Variants in SETD5 observed in about 807,000 individuals in gnomAD.
SETD5 encodes the protein SET domain containing 5, also known as histone-lysine N-methyltransferase SETD5.
A neutral mutation model predicts 153.3 loss-of-function variants in SETD5; 44 were observed. The ratio of observed to expected loss-of-function variants is 0.29; its 90% CI spans 0.23 to 0.37. The LOEUF (loss-of-function observed/expected upper bound fraction) is 0.37. SETD5 is among the 10% of genes least tolerant of loss of function. SETD5 has a pLI of 1.00. For synonymous variants in SETD5, 716 were observed against 645.2 expected (o/e 1.11, Z -1.66); for missense variants, 1,544 against 1,768.0 (o/e 0.87, Z 2.27).
At chr3:9,455,180 T>C (rs1267968125) in intron 17 of SETD5, among the ~76,000 whole-genome samples, 69 of 143,926 alleles carry the variant, frequency 4.8e-4, no homozygotes, top group Admixed American at 1.0e-3. Context: ...TTTTTTTTTT[T>C]TTTTTTTTTT....
At chr3:9,461,257 A>G (rs528581296) in intron 17 of SETD5, among the ~76,000 whole-genome samples, 2 of 152,172 alleles carry the variant, frequency 1.3e-5, no homozygotes, top group Non-Finnish European at 2.9e-5. Flanking sequence ...AAATGAAAAA[A>G]AAGTTGGTTA....
intron 17 of SETD5, among the ~76,000 whole-genome samples, chr3:9,460,449 A>G (rs62246313): frequency 6.7e-6 from 1 of 149,014 alleles, no homozygotes; most frequent in Non-Finnish European, 1.5e-5. Flanking sequence ...TTTTTTTTTA[A>G]TAGTATGAGC....
intron 1 of SETD5, among the ~76,000 whole-genome samples, chr3:9,421,265 A>C (rs2038350438): frequency 6.6e-6 from 1 of 152,082 alleles, no homozygotes; most frequent in Non-Finnish European, 1.5e-5. Flanking sequence ...GCTAGAACTC[A>C]AGTCTCCTAA....
chr3:9,441,086 C>T (rs1284936651), intron 8 of SETD5, among the ~76,000 whole-genome samples: 1 of 151,998 alleles, frequency 6.6e-6, no homozygotes, highest in Non-Finnish European at 1.5e-5. Context: ...ATGATACACA[C>T]CTGTAAGTCC....
At chr3:9,416,201 A>C (rs554459978) in intron 1 of SETD5, among the ~76,000 whole-genome samples, 2 of 152,152 alleles carry the variant, frequency 1.3e-5, no homozygotes, top group Admixed American at 1.3e-4. Context: ...TCAGCACTCT[A>C]AGACTCCAAG....
intron 12 of SETD5, 132 bp downstream of exon 12, chr3:9,445,432 T>C: frequency 9.5e-7 from 1 of 1,057,322 alleles, no homozygotes; most frequent in South Asian, 1.6e-5. Context: ...GTGGGTTTAT[T>C]GTGTTCATAC....
At chr3:9,468,407 C>A in intron 18 of SETD5, 1 of 782,372 alleles carries the variant, frequency 1.3e-6, no homozygotes, top group Non-Finnish European at 1.9e-6. Flanking sequence ...TCAACTTCCC[C>A]GCCCCCGAAA....
chr3:9,459,304 T>G (rs568822565), intron 17 of SETD5, among the ~76,000 whole-genome samples: 78 of 152,298 alleles, frequency 5.1e-4, no homozygotes, highest in Non-Finnish European at 8.7e-4. Context: ...ATGGTAGAAT[T>G]TGTAATTTTA....
chr3:9,469,155 A>G (rs985807113), intron 18 of SETD5, among the ~76,000 whole-genome samples: 1 of 152,222 alleles, frequency 6.6e-6, no homozygotes, highest in Non-Finnish European at 1.5e-5. Context: ...CAAGGAAACC[A>G]AGTGAGTCCC....
intron 18 of SETD5, chr3:9,464,892 C>A: frequency 3.3e-6 from 2 of 597,320 alleles, no homozygotes; most frequent in South Asian, 4.0e-5. Context: ...TACCACAAAT[C>A]CCATTCATGT....
chr3:9,476,246 A>T lies in SETD5; in HGVS notation c.*155A>T. Reference sequence around the variant, plus strand: ...GACAAGAAACAAGACTTGTGGTCACAATTGGCCTCTGGCCTTGGAGAAAGC... The same window carrying T: ...GACAAGAAACAAGACTTGTGGTCACTATTGGCCTCTGGCCTTGGAGAAAGC... On this transcript the variant is annotated 3_prime_UTR_variant, in exon 23 of 23. Transcript: ENST00000402198. The T allele has an allele frequency of 9.4e-7, 1 of 1,065,744 alleles. No homozygotes were observed. The highest frequency in any genetic ancestry group is 1.6e-5 in the African/African-American group (1 of 62,584). 66.0% of individuals were successfully genotyped at this position (1,065,744 alleles called of 1,614,324 possible). A position where few individuals can be genotyped will look rare whatever the true frequency, so the allele number is the denominator to read the frequency against.
At chr3:9,407,079 G>C (rs555060041) in intron 1 of SETD5, among the ~76,000 whole-genome samples, 2 of 152,340 alleles carry the variant, frequency 1.3e-5, no homozygotes, top group African/African-American at 4.8e-5. Context: ...TGTAATCCCA[G>C]CACTTTGTGA....
rs112883046 is a variant in SETD5 at position 9,468,637 on chromosome 3, C to G, written c.2725-1822C>G. 71 of 1,285,168 alleles carry G rather than the reference C, an allele frequency of 5.5e-5. No homozygotes were observed. In the African/African-American group the frequency reaches 9.8e-4, roughly 18 times the overall value. The allele number at this position is 1,285,168 out of a possible 1,614,324, so 79.6% of individuals were successfully genotyped here. A position where few individuals can be genotyped will look rare whatever the true frequency, so the allele number is the denominator to read the frequency against. On this transcript the variant is annotated intron_variant, in intron 18 of 22. Transcript: ENST00000402198. ...GAGAGTGAGTGTTCATGAATGTGTT[C>G]CTGAGTGTGTGGGGAGGGCTGGGGA...
At chr3:9,443,561 AT>A (rs1235757946) in intron 11 of SETD5, 144 bp downstream of exon 11, 2 of 481,744 alleles carry the variant, frequency 4.2e-6, no homozygotes, top group Non-Finnish European at 6.7e-6. Flanking sequence ...CTGCCTAGAA[AT>A]TGTAAAGGAA....
chr3:9,443,868 A>G (rs2041606273), intron 11 of SETD5, among the ~76,000 whole-genome samples: 1 of 152,168 alleles, frequency 6.6e-6, no homozygotes. Flanking sequence ...GATCGAGACC[A>G]TCCTGGCCAA....
chr3:9,403,603 G>C (rs922924464), intron 1 of SETD5, among the ~76,000 whole-genome samples: 22 of 152,174 alleles, frequency 1.4e-4, no homozygotes, highest in African/African-American at 5.1e-4. Context: ...TTTAATTTCA[G>C]CCTCATCCTT....
intron 3 of SETD5, chr3:9,429,942 C>G (rs935589411): frequency 7.7e-7 from 1 of 1,299,978 alleles, no homozygotes; most frequent in Non-Finnish European, 1.0e-6. Context: ...GAAGCCAAGT[C>G]TATTCCAGGC....
chr3:9,474,659 G>A (rs935070824), intron 21 of SETD5, 77 bp downstream of exon 21: 4 of 1,545,928 alleles, frequency 2.6e-6, no homozygotes, highest in Non-Finnish European at 2.6e-6. Context: ...GCCTAGTGCT[G>A]AGTTGAGGTG....
chr3:9,404,862 A>C (rs987382713), intron 1 of SETD5, among the ~76,000 whole-genome samples: 1 of 152,208 alleles, frequency 6.6e-6, no homozygotes, highest in African/African-American at 2.4e-5. Flanking sequence ...CATTTTCACC[A>C]AGACTTAGCC....
Sources: allele counts gnomAD v4.1 joint callset (sites outside exome capture counted in the v4.1 genomes callset), GRCh38; gene constraint gnomAD v4.1.1; transcripts MANE v1.5; gene names NCBI Gene and HGNC (gene_info 2026-07-23, HGNC 2026-07-21).